EIF4G3: variants seen among roughly 807,000 people sequenced by gnomAD.
EIF4G3 encodes the protein eIF-4-gamma 3.
Under a neutral mutation model 186.4 loss-of-function variants are expected in EIF4G3, and 34 were observed. The ratio of observed to expected loss-of-function variants is 0.18; its 90% CI spans 0.14 to 0.24. The LOEUF is 0.24. EIF4G3 is among the 10% of genes least tolerant of loss of function. EIF4G3 has a pLI of 1.00. For synonymous variants in EIF4G3, 673 were observed against 679.5 expected, an observed-to-expected ratio of 0.99 and a Z score of 0.15; for missense variants, 1,536 against 1,948.5, an observed-to-expected ratio of 0.79 and a Z score of 3.99.
At position 20,807,296 on chromosome 1, in the gene EIF4G3, T is replaced by C; in HGVS notation, c.*23A>G. Reference sequence around the variant, plus strand: ...AAAAATACTTAAATTGTTTCTTTTGTTTCATTTTGTGTATTTGAAGTTTTA... The same window carrying C: ...AAAAATACTTAAATTGTTTCTTTTGCTTCATTTTGTGTATTTGAAGTTTTA... On this transcript the variant is annotated 3_prime_UTR_variant, in exon 37 of 37. Transcript: ENST00000602326. 7.1e-6 allele frequency: 11 copies of C among 1,550,202 alleles called. No homozygotes were observed. Among genetic ancestry groups the C allele is most frequent in the Non-Finnish European group, 8.8e-6 (10 of 1,141,754 alleles).
chr1:21,007,607 T>C (rs1217659426), intron 4 of EIF4G3, among the ~76,000 whole-genome samples: 1 of 147,828 alleles, frequency 6.8e-6, no homozygotes, highest in African/African-American at 2.5e-5. Flanking sequence ...ATTATGTACT[T>C]AGTCACTGAG....
intron 34 of EIF4G3, among the ~76,000 whole-genome samples, chr1:20,815,630 A>G (rs1395476534): frequency 1.4e-5 from 2 of 140,978 alleles, no homozygotes; most frequent in East Asian, 2.1e-4. Flanking sequence ...CCCGGCAGCC[A>G]CCCCGTCCGG....
intron 2 of EIF4G3, among the ~76,000 whole-genome samples, chr1:21,173,900 AGAACTG>A (rs1233321394): frequency 6.6e-6 from 1 of 152,224 alleles, no homozygotes; most frequent in African/African-American, 2.4e-5. Flanking sequence ...GTAGAAAAGT[AGAACTG>A]CTCTATTTCA....
At position 20,831,278 on chromosome 1, in the gene EIF4G3, A is replaced by AATT. The variant is rs1553194519; in HGVS notation, c.4062-2007_4062-2006insAAT. ...ATACATGATTAAAAGAAAAATATTAATTTTTTTTTTTTTTTTTTTGAGAAA... is the reference window on the plus strand; with the variant it reads ...ATACATGATTAAAAGAAAAATATTAAATTTTTTTTTTTTTTTTTTTTTGAGAAA... On this transcript the variant is annotated intron_variant, in intron 30 of 36. Transcript: ENST00000602326. 7.2e-3 allele frequency among the ~76,000 whole-genome samples: 1,034 copies of AATT among 142,980 alleles called. 20 individuals carry two copies. The highest frequency in any genetic ancestry group is 0.036 in the East Asian group (177 of 4,852). 93.8% of individuals were successfully genotyped at this position (142,980 alleles called of 152,430 possible).
chr1:21,085,041 A>C (rs1443604127), intron 3 of EIF4G3, among the ~76,000 whole-genome samples: 4 of 151,756 alleles, frequency 2.6e-5, no homozygotes, highest in Non-Finnish European at 5.9e-5. Context: ...ACAATATATA[A>C]CCATTTATTA....
rs181805965 is a variant in EIF4G3 at position 20,853,673 on chromosome 1, G to T, written c.3438C>A (p.Ala1146=). The change falls in exon 27 of 37, where the codon GCC becomes GCA. Residue 1146 remains alanine, a synonymous_variant. Coordinates refer to ENST00000602326, the MANE Select transcript of EIF4G3 (RefSeq NM_001391906.1). ...TTAAACTGGAAGCACTTGACCGTAAGGCATCTACACATGTCGAGGATTTAG... is the reference window on the plus strand; with the variant it reads ...TTAAACTGGAAGCACTTGACCGTAATGCATCTACACATGTCGAGGATTTAG... ...SGGAKASETD[A]LRSSASSLNR... 6.2e-7 allele frequency: 1 copy of T among 1,610,174 alleles called. No individual in the cohort carries two copies. The highest frequency in any genetic ancestry group is 2.2e-5 in the East Asian group (1 of 44,810).
intron 4 of EIF4G3, among the ~76,000 whole-genome samples, chr1:21,010,175 G>A (rs1465313461): frequency 2.0e-5 from 3 of 151,918 alleles, no homozygotes; most frequent in Non-Finnish European, 2.9e-5. Flanking sequence ...GGCCTGGCAC[G>A]ATGGCTCACA....
chr1:20,851,350 C>T lies in EIF4G3; in HGVS notation c.3680G>A (p.Arg1227Lys). The change falls in exon 28 of 37, where the codon AGA becomes AAA. Residue 1227 changes from arginine to lysine, a missense_variant. Arg to Lys is a conservative substitution (Grantham distance 26, BLOSUM62 2). Coordinates refer to ENST00000602326, the MANE Select transcript of EIF4G3 (RefSeq NM_001391906.1). The stretch of plus-strand genomic sequence containing the variant: ...CTGCTTCACGGTCTCCAGCATCTCT[C>T]TCCGCTGCTCTTCTTGAGACTGATT... ...LDNQSQEEQR[R>K]EMLETVKQLT... 2.5e-6 allele frequency: 4 copies of T among 1,614,188 alleles called. No homozygotes were observed. The South Asian group carries it at 4.4e-5, about 18-fold the overall frequency.
At chr1:20,913,443 CAGG>C (rs1558207022) in intron 14 of EIF4G3, among the ~76,000 whole-genome samples, 1 of 152,098 alleles carries the variant, frequency 6.6e-6, no homozygotes, top group African/African-American at 2.4e-5. Flanking sequence ...GAGGCTGAGG[CAGG>C]AGGATTGCTT....
In EIF4G3 at chr1:20,825,160, G is replaced by A. The variant is rs762074952; in HGVS notation, c.4308C>T (p.Asp1436=). Residue 1436 remains aspartate, a synonymous_variant, in exon 33 of 37, where the codon GAC becomes GAT. Coordinates refer to ENST00000602326, the MANE Select transcript of EIF4G3 (RefSeq NM_001391906.1). ...CTGGTAAAAAGTCCTTCCAGCTGAG[G>A]TCAGCCTCCCTCCATAAGGCTCCCA... ...KKVGALWREA[D]LSWKDFLPEG... is the part of the protein sequence containing the mutation. The A allele has an allele frequency of 1.2e-6, 2 of 1,612,212 alleles. No homozygotes were observed. The highest frequency in any genetic ancestry group is 1.7e-6 in the Non-Finnish European group (2 of 1,179,436).
chr1:20,918,536 G>C (rs1244560047), intron 14 of EIF4G3, among the ~76,000 whole-genome samples: 4 of 151,754 alleles, frequency 2.6e-5, no homozygotes, highest in Non-Finnish European at 4.4e-5. Context: ...GAAAAATGGG[G>C]TCATAACTAT....
intron 2 of EIF4G3, among the ~76,000 whole-genome samples, chr1:21,140,937 T>C (rs2097326520): frequency 6.6e-6 from 1 of 152,218 alleles, no homozygotes. Context: ...AATAAAGTTT[T>C]CTGCACATCA....
chr1:20,903,453 A>T (rs887040609), intron 15 of EIF4G3, among the ~76,000 whole-genome samples: 1 of 152,210 alleles, frequency 6.6e-6, no homozygotes, highest in Non-Finnish European at 1.5e-5. Flanking sequence ...GCTGAATCTA[A>T]AAAGAAAGAA....
chr1:20,889,493 T>A (rs183921266), intron 18 of EIF4G3, among the ~76,000 whole-genome samples: 10 of 152,306 alleles, frequency 6.6e-5, no homozygotes, highest in Admixed American at 2.6e-4. Flanking sequence ...ATAAGTAATT[T>A]TATTTATTTT....
At chr1:21,159,475 G>A (rs952457133) in intron 2 of EIF4G3, among the ~76,000 whole-genome samples, 2 of 151,676 alleles carry the variant, frequency 1.3e-5, no homozygotes, top group Non-Finnish European at 1.5e-5. Flanking sequence ...GGTGGCTCAC[G>A]CCTGTAATCC....
intron 13 of EIF4G3, among the ~76,000 whole-genome samples, chr1:20,948,710 T>C (rs2096074003): frequency 6.6e-6 from 1 of 152,052 alleles, no homozygotes; most frequent in Admixed American, 6.6e-5. Context: ...TAAATATTTT[T>C]TAAAGGATAA....
intron 3 of EIF4G3, among the ~76,000 whole-genome samples, chr1:21,085,977 C>T (rs1348201033): frequency 6.6e-6 from 1 of 152,040 alleles, no homozygotes; most frequent in Middle Eastern, 3.2e-3. Flanking sequence ...CAGGAGTAAG[C>T]CATCGCGCCT....
At chr1:21,039,515 G>A (rs1280955038) in intron 4 of EIF4G3, among the ~76,000 whole-genome samples, 1 of 152,136 alleles carries the variant, frequency 6.6e-6, no homozygotes. Context: ...AAAAACTTGT[G>A]AGCGAGGCAT....
At position 20,827,876 on chromosome 1, in the gene EIF4G3, GT is replaced by G. The variant is rs535336814; in HGVS notation, c.4188-179del. On this transcript the variant is annotated intron_variant, in intron 31 of 36. Coordinates refer to ENST00000602326, the MANE Select transcript of EIF4G3 (RefSeq NM_001391906.1). ...AGGAGAAGTTCCTGAAAAGGTACAT[GT>G]GAGTTCTTGGTTTTTACCTTTTTCT... 1.8e-4 allele frequency among the ~76,000 whole-genome samples: 27 copies of G among 151,970 alleles called. No individual in the cohort carries two copies. In the South Asian group the frequency reaches 5.4e-3, roughly 30 times the overall value.
Sources: gnomAD v4.1 joint callset for allele counts (sites outside exome capture counted in the v4.1 genomes callset) on GRCh38, gnomAD v4.1.1 for gene constraint, MANE v1.5 for transcripts, NCBI Gene and HGNC (gene_info 2026-07-23, HGNC 2026-07-21) for gene names.